AATF: variants seen among roughly 807,000 people sequenced by gnomAD.
AATF encodes protein AATF.
AATF carries 48 observed loss-of-function variants against 63.7 expected under a neutral mutation model. The observed-to-expected ratio is 0.75, with a 90% confidence interval of 0.60 to 0.96. The LOEUF is 0.96. Ranked by LOEUF, AATF falls within the 40% of genes least tolerant of loss-of-function variation. The pLI is 0.00. For missense variants in AATF, 639 were observed against 685.7 expected (o/e 0.93, Z 0.76); for synonymous variants, 258 against 247.7 (o/e 1.04, Z -0.39).
Position 36,949,189 on chromosome 17 carries a change from G to C in AATF, c.64G>C (p.Ala22Pro). ...EQLLNPRPSE[A>P]DPEADPEEAT... is the part of the protein sequence containing the mutation. ...GTTGTTGAACCCGCGACCAAGCGAG[G>C]CGGACCCTGAAGCGGACCCCGAGGA... The change falls in exon 1 of 12, where the codon GCG becomes CCG. Residue 22 changes from alanine (A) to proline (P), a missense_variant. Ala to Pro is a conservative substitution (Grantham distance 27). Coordinates refer to ENST00000619387, the MANE Select transcript of AATF (RefSeq NM_012138.4). 6.3e-7 allele frequency: 1 copy of C among 1,593,848 alleles called. No homozygotes were observed. The highest frequency in any genetic ancestry group is 8.5e-7 in the Non-Finnish European group (1 of 1,171,918).
Position 36,950,291 on chromosome 17 carries a change from A to G in AATF, c.169A>G (p.Arg57Gly), listed in dbSNP as rs370417281. 2 of 1,614,086 alleles carry G rather than the reference A, an allele frequency of 1.2e-6. No individual in the cohort carries two copies. Among genetic ancestry groups the G allele is most frequent in the African/African-American group, 1.3e-5 (1 of 74,924 alleles). The part of the protein sequence containing the change: ...EGDFLVVGSI[R>G]KLASASLLDT... ...TGATTTCCTAGTAGTGGGTAGCATTAGAAAACTGGCATCAGCCTCCCTCTT... is the reference window on the plus strand; with the variant it reads ...TGATTTCCTAGTAGTGGGTAGCATTGGAAAACTGGCATCAGCCTCCCTCTT... Residue 57 changes from arginine (R) to glycine (G), a missense_variant, in exon 2 of 12, where the codon AGA becomes GGA. By Grantham distance (125) the Arg-to-Gly change is moderately radical (BLOSUM62 -2). Transcript: ENST00000619387.
chr17:37,031,383 G>A (rs1337014743), intron 10 of AATF: 2 of 555,786 alleles, frequency 3.6e-6, no homozygotes, highest in African/African-American at 3.8e-5. Flanking sequence ...AGCATCCGTG[G>A]ATTTTTGTAT....
At chr17:37,009,782 A>G (rs906477283) in intron 8 of AATF, among the ~76,000 whole-genome samples, 1 of 135,140 alleles carries the variant, frequency 7.4e-6, no homozygotes, top group African/African-American at 2.9e-5. Context: ...GCGCCACTGC[A>G]GTCCGCAGTC....
intron 8 of AATF, among the ~76,000 whole-genome samples, chr17:37,006,832 C>T (rs1252738050): frequency 6.6e-6 from 1 of 152,178 alleles, no homozygotes; most frequent in Non-Finnish European, 1.5e-5. Context: ...ATGAATTTAT[C>T]ATTTCTTCCA....
chr17:37,039,051 A>G (rs1316642046), intron 11 of AATF, among the ~76,000 whole-genome samples: 1 of 152,142 alleles, frequency 6.6e-6, no homozygotes, highest in Non-Finnish European at 1.5e-5. Context: ...CACTCTACTG[A>G]TGATATTCTT....
intron 5 of AATF, among the ~76,000 whole-genome samples, chr17:36,987,686 G>A (rs2071179823): frequency 2.0e-5 from 3 of 152,200 alleles, no homozygotes; most frequent in Admixed American, 2.0e-4. Context: ...CATTGCCATG[G>A]CAGTTGCATA....
At chr17:36,978,369 A>G (rs1169737142) in intron 4 of AATF, among the ~76,000 whole-genome samples, 2 of 152,096 alleles carry the variant, frequency 1.3e-5, no homozygotes, top group Non-Finnish European at 2.9e-5. Context: ...GAATTAGCCT[A>G]TCAAGTTGTT....
chr17:37,011,147 G>C (rs1367898424), intron 8 of AATF, among the ~76,000 whole-genome samples: 1 of 152,124 alleles, frequency 6.6e-6, no homozygotes, highest in Non-Finnish European at 1.5e-5. Context: ...AAGACGAGTG[G>C]ATTACCTGAG....
chr17:37,031,807 G>A (rs1206909346), intron 11 of AATF, 122 bp downstream of exon 11: 7 of 818,142 alleles, frequency 8.6e-6, no homozygotes, highest in Non-Finnish European at 1.5e-5. Context: ...TGGCATCGCA[G>A]TAAGGGTCAC....
In AATF at chr17:36,950,285, A is replaced by G; in HGVS notation, c.163A>G (p.Ser55Gly). ...GGAAGGTGATTTCCTAGTAGTGGGT[A>G]GCATTAGAAAACTGGCATCAGCCTC... ...DGEGDFLVVG[S>G]IRKLASASLL... Residue 55 changes from serine to glycine, a missense_variant, in exon 2 of 12, where the codon AGC becomes GGC. Physicochemically the swap from Ser to Gly is moderately conservative, Grantham distance 56. Coordinates refer to ENST00000619387, the MANE Select transcript of AATF (RefSeq NM_012138.4). The G allele has an allele frequency of 1.1e-5, 18 of 1,614,206 alleles. No homozygotes were observed. The highest frequency in any genetic ancestry group is 1.5e-5 in the Non-Finnish European group (18 of 1,180,034).
At chr17:36,981,706 T>TTTC (rs2071126680) in intron 4 of AATF, among the ~76,000 whole-genome samples, 1 of 141,584 alleles carries the variant, frequency 7.1e-6, no homozygotes, top group African/African-American at 2.9e-5. Flanking sequence ...TCTTTTCTTT[T>TTTC]TTTTTTTTTT....
intron 11 of AATF, among the ~76,000 whole-genome samples, chr17:37,050,105 A>G (rs1322050620): frequency 6.6e-6 from 1 of 152,244 alleles, no homozygotes; most frequent in African/African-American, 2.4e-5. Flanking sequence ...GAAGACATCA[A>G]ATAGTTGAAG....
chr17:36,980,855 G>A (rs1162209274), intron 4 of AATF, among the ~76,000 whole-genome samples: 1 of 150,456 alleles, frequency 6.6e-6, no homozygotes, highest in Non-Finnish European at 1.5e-5. Context: ...TTTATAGGAA[G>A]TTGTCCATGT....
Position 37,021,013 on chromosome 17 carries a change from C to A in AATF, c.1546C>A (p.Arg516=), listed in dbSNP as rs199725061. 33 of 1,608,674 alleles carry A rather than the reference C, an allele frequency of 2.1e-5. No individual in the cohort carries two copies. Among genetic ancestry groups the A allele is most frequent in the Non-Finnish European group, 2.7e-5 (32 of 1,177,378 alleles). The change falls in exon 10 of 12, where the codon CGG becomes AGG. Residue 516 remains arginine (R), a splice_region_variant and synonymous_variant. Transcript: ENST00000619387. ...GAAAGCCAGCAAAGGCAGGAAACTT[C>A]GGTGAGTTACTTTTCGGAAAAAATG... ...DRKASKGRKL[R]FHVLSKLLSF...
intron 8 of AATF, among the ~76,000 whole-genome samples, chr17:37,005,527 A>T (rs1331195026): frequency 6.6e-6 from 1 of 152,244 alleles, no homozygotes; most frequent in African/African-American, 2.4e-5. Flanking sequence ...ATCACAGAAT[A>T]CAAGTTAGTA....
chr17:36,949,611 C>T (rs920462220), intron 1 of AATF, among the ~76,000 whole-genome samples: 1 of 152,228 alleles, frequency 6.6e-6, no homozygotes, highest in South Asian at 2.1e-4. Flanking sequence ...TCAGGTTGCC[C>T]TTCAAAACTA....
intron 8 of AATF, among the ~76,000 whole-genome samples, chr17:37,018,374 C>T (rs1225907585): frequency 6.6e-6 from 1 of 152,156 alleles, no homozygotes; most frequent in Non-Finnish European, 1.5e-5. Context: ...GGTATATTTG[C>T]AGTATGCAAA....
chr17:37,030,264 C>T (rs917216802), intron 10 of AATF, among the ~76,000 whole-genome samples: 2 of 151,978 alleles, frequency 1.3e-5, no homozygotes, highest in Non-Finnish European at 2.9e-5. Context: ...TTGTAAAATT[C>T]ATTTGTTGAG....
chr17:36,990,359 A>G (rs1359115728), intron 7 of AATF, among the ~76,000 whole-genome samples: 1 of 152,190 alleles, frequency 6.6e-6, no homozygotes, highest in Non-Finnish European at 1.5e-5. Flanking sequence ...GCTACAGGAA[A>G]GATTCCTGTA....
Sources: allele counts gnomAD v4.1 joint callset (sites outside exome capture counted in the v4.1 genomes callset), GRCh38; gene constraint gnomAD v4.1.1; transcripts MANE v1.5; gene names NCBI Gene and HGNC (gene_info 2026-07-23, HGNC 2026-07-21).